The following ITPRID1 variants were observed in gnomAD, a reference collection of about 807,000 sequenced individuals.
The protein encoded by ITPRID1 is protein ITPRID1.
In ITPRID1, 96 loss-of-function variants were observed where a neutral mutation model predicts 95.4. The ratio of observed to expected loss-of-function variants is 1.01; its 90% CI spans 0.85 to 1.19. The LOEUF (loss-of-function observed/expected upper bound fraction) is 1.19, where lower values mean the gene tolerates loss of function less well. Ranked by LOEUF, ITPRID1 falls within the 50% of genes most tolerant of loss-of-function variation. ITPRID1 has a pLI of 0.00. For missense variants in ITPRID1, 1,339 were observed against 1,252.9 expected (o/e 1.07, Z -1.04); for synonymous variants, 510 against 453.6 (o/e 1.12, Z -1.58).
chr7:31,537,484 C>G (rs923138667), intron 1 of ITPRID1, among the ~76,000 whole-genome samples: 2 of 151,902 alleles, frequency 1.3e-5, no homozygotes, highest in Non-Finnish European at 2.9e-5. Flanking sequence ...TAACAAAAAT[C>G]TATGATTTTT....
At chr7:31,562,045 A>C (rs964183397) in intron 5 of ITPRID1, among the ~76,000 whole-genome samples, 1 of 12,048 alleles carries the variant, frequency 8.3e-5, no homozygotes, top group Non-Finnish European at 3.4e-4. Context: ...CTATGTATTT[A>C]AAAAAAAAAA....
intron 10 of ITPRID1, among the ~76,000 whole-genome samples, chr7:31,622,767 C>A (rs308461): frequency 1.3e-5 from 2 of 151,994 alleles, no homozygotes; most frequent in South Asian, 2.1e-4. Flanking sequence ...CAGAGCAGAA[C>A]TGAAGGAAAT....
intron 5 of ITPRID1, among the ~76,000 whole-genome samples, chr7:31,564,306 C>A (rs1349070684): frequency 6.6e-6 from 1 of 151,970 alleles, no homozygotes; most frequent in Non-Finnish European, 1.5e-5. Context: ...GACATTTTAA[C>A]CCATGGAAGG....
At position 31,554,580 on chromosome 7, in the gene ITPRID1, A is replaced by G. The variant is rs558038802; in HGVS notation, c.212+57A>G. 5.1e-5 allele frequency: 81 copies of G among 1,602,912 alleles called. 2 individuals carry two copies. In the South Asian group the frequency reaches 8.7e-4, roughly 17 times the overall value. On this transcript the variant is annotated intron_variant, in intron 4 of 14. Transcript: ENST00000615280. Reference sequence around the variant, plus strand: ...GTTTCTCTTGCAAAGATCCATGAAAACAATGTGTGTAACTCTGCCTGGGCA... The same window carrying G: ...GTTTCTCTTGCAAAGATCCATGAAAGCAATGTGTGTAACTCTGCCTGGGCA...
intron 1 of ITPRID1, among the ~76,000 whole-genome samples, chr7:31,523,287 A>G (rs747024654): frequency 4.6e-5 from 7 of 152,226 alleles, no homozygotes; most frequent in Non-Finnish European, 8.8e-5. Flanking sequence ...ATTGAGATGT[A>G]TGGATTTAAC....
At chr7:31,563,429 G>T (rs1262975063) in intron 5 of ITPRID1, among the ~76,000 whole-genome samples, 1 of 152,088 alleles carries the variant, frequency 6.6e-6, no homozygotes, top group Non-Finnish European at 1.5e-5. Flanking sequence ...AGATGACACT[G>T]GAGTGTCATC....
intron 5 of ITPRID1, among the ~76,000 whole-genome samples, chr7:31,569,400 C>CT (rs796719372): frequency 1.2e-4 from 19 of 152,282 alleles, no homozygotes; most frequent in African/African-American, 4.1e-4. Flanking sequence ...CTGTAGACAT[C>CT]TTTTTTCTCT....
rs2128223239 is a variant in ITPRID1 at position 31,655,995 on chromosome 7, T to A, written c.*3166T>A. 1 of 985,366 alleles carries A rather than the reference T, an allele frequency of 1.0e-6. No homozygotes were observed. The highest frequency in any genetic ancestry group is 1.1e-4 in the East Asian group (1 of 8,810). The allele number at this position is 985,366 out of a possible 1,614,324, so 61.0% of individuals were successfully genotyped here. A position where few individuals can be genotyped will look rare whatever the true frequency, so the allele number is the denominator to read the frequency against. On this transcript the variant is annotated 3_prime_UTR_variant, in exon 15 of 15. Coordinates refer to ENST00000615280, the MANE Select transcript of ITPRID1 (RefSeq NM_001257967.3). ...TCCCCTAAACCACCTCCTGTGTTCC[T>A]GCTTCCTCTCCTTTGCTGAAACAAA...
intron 10 of ITPRID1, among the ~76,000 whole-genome samples, chr7:31,604,906 C>T (rs1786547840): frequency 6.6e-6 from 1 of 152,094 alleles, no homozygotes; most frequent in African/African-American, 2.4e-5. Flanking sequence ...GAGGTTGAGG[C>T]AGGAGGATCA....
chr7:31,643,157 C>A lies in ITPRID1; in HGVS notation c.1787C>A (p.Ser596Tyr), dbSNP rs116406137. Reference sequence around the variant, plus strand: ...AAAGTGCAAAGCCACCACAATGAGTCTCAAAGGTCACCTGGAAATGATCAT... The same window carrying A: ...AAAGTGCAAAGCCACCACAATGAGTATCAAAGGTCACCTGGAAATGATCAT... ...AGKVQSHHNE[S>Y]QRSPGNDHTQ... The change falls in exon 12 of 15, where the codon TCT becomes TAT. Residue 596 changes from serine to tyrosine, a missense_variant. Coordinates refer to ENST00000615280, the MANE Select transcript of ITPRID1 (RefSeq NM_001257967.3). The A allele has an allele frequency of 3.7e-6, 6 of 1,613,932 alleles. No homozygotes were observed. Among genetic ancestry groups the A allele is most frequent in the Non-Finnish European group, 4.2e-6 (5 of 1,179,878 alleles).
rs1368512637 is a variant in ITPRID1, at chr7:31,551,798, A to T, written c.-23-1204A>T. ...GAAATGATTTACATGTCATGTGATCAGTGATTATGCATTAAGTTTAGGGAT... is the reference window on the plus strand; with the variant it reads ...GAAATGATTTACATGTCATGTGATCTGTGATTATGCATTAAGTTTAGGGAT... On this transcript the variant is annotated intron_variant, in intron 2 of 14. Transcript: ENST00000615280. The T allele has an allele frequency of 1.2e-5, 4 of 323,532 alleles. 1 individual carries two copies. Among genetic ancestry groups the T allele is most frequent in the Middle Eastern group, 1.2e-3 (2 of 1,724 alleles). 20.0% of individuals were successfully genotyped at this position (323,532 alleles called of 1,614,324 possible).
At chr7:31,577,772 A>G in intron 8 of ITPRID1, 91 bp from the exon 9 acceptor site, 1 of 1,079,032 alleles carries the variant, frequency 9.3e-7, no homozygotes, top group East Asian at 2.6e-5. Context: ...TGAAAATTTC[A>G]TGTTAACGGA....
At chr7:31,542,938 C>T (rs2073021594) in intron 1 of ITPRID1, among the ~76,000 whole-genome samples, 1 of 152,134 alleles carries the variant, frequency 6.6e-6, no homozygotes, top group Non-Finnish European at 1.5e-5. Flanking sequence ...TTGATTTAAG[C>T]ACTTATTTTT....
At position 31,554,543 on chromosome 7, in the gene ITPRID1, T is replaced by TGTGC; in HGVS notation, c.212+21_212+24dup. The TGTGC allele has an allele frequency of 1.2e-6, 2 of 1,612,484 alleles. No individual in the cohort carries two copies. The highest frequency in any genetic ancestry group is 1.7e-6 in the Non-Finnish European group (2 of 1,179,110). ...ATTCTTGTAAGTGTTTTTGTGTGTG[T>TGTGC]GTGCCTTACATGTTTCTCTTGCAAA... On this transcript the variant is annotated intron_variant, in intron 4 of 14. Coordinates refer to ENST00000615280, the MANE Select transcript of ITPRID1 (RefSeq NM_001257967.3).
intron 10 of ITPRID1, among the ~76,000 whole-genome samples, chr7:31,612,479 TA>T (rs1294439558): frequency 1.3e-5 from 2 of 152,154 alleles, no homozygotes; most frequent in Non-Finnish European, 2.9e-5. Flanking sequence ...CTCTTGAACT[TA>T]GATATACTCC....
chr7:31,615,918 TA>T (rs767940747), intron 10 of ITPRID1, among the ~76,000 whole-genome samples: 6 of 151,954 alleles, frequency 3.9e-5, no homozygotes, highest in Non-Finnish European at 7.4e-5. Flanking sequence ...CACGCCTGGC[TA>T]ATTTTTTTTG....
intron 1 of ITPRID1, among the ~76,000 whole-genome samples, chr7:31,539,750 G>T (rs552414817): frequency 6.6e-6 from 1 of 152,290 alleles, no homozygotes; most frequent in South Asian, 2.1e-4. Context: ...TAAGGGTTCA[G>T]GATGAGACAG....
chr7:31,516,171 G>C (rs1783034307), intron 1 of ITPRID1, among the ~76,000 whole-genome samples: 1 of 152,140 alleles, frequency 6.6e-6, no homozygotes, highest in Non-Finnish European at 1.5e-5. Flanking sequence ...AAGGCTAGAA[G>C]ATTAATAATA....
intron 12 of ITPRID1, among the ~76,000 whole-genome samples, chr7:31,650,907 G>A (rs1790884931): frequency 6.6e-6 from 1 of 152,152 alleles, no homozygotes; most frequent in African/African-American, 2.4e-5. Context: ...GGGACACAAT[G>A]ATTGTCACCC....
Sources: allele counts gnomAD v4.1 joint callset (sites outside exome capture counted in the v4.1 genomes callset), GRCh38; gene constraint gnomAD v4.1.1; transcripts MANE v1.5; gene names NCBI Gene and HGNC (gene_info 2026-07-23, HGNC 2026-07-21).